FGD4: variants seen among roughly 807,000 people sequenced by gnomAD.
FGD4 encodes the protein FYVE, RhoGEF and PH domain-containing protein 4.
FGD4 carries 42 observed loss-of-function variants against 102.0 expected under a neutral mutation model. That is an observed-to-expected ratio of 0.41 (90% confidence interval 0.32 to 0.53). The LOEUF (loss-of-function observed/expected upper bound fraction) is 0.53, where lower values mean the gene tolerates loss of function less well. FGD4 is among the 20% of genes least tolerant of loss of function. The probability of loss-of-function intolerance (pLI) is 0.21; values close to 1 mark genes in which losing one functional copy is unlikely to be tolerated. For missense variants in FGD4, 902 were observed against 1,078.2 expected, an observed-to-expected ratio of 0.84 and a Z score of 2.29; for synonymous variants, 380 against 375.7, an observed-to-expected ratio of 1.01 and a Z score of -0.13.
At chr12:32,636,893 CAG>C (rs1298791704) in intron 15 of FGD4, among the ~76,000 whole-genome samples, 1 of 140,748 alleles carries the variant, frequency 7.1e-6, no homozygotes, top group Non-Finnish European at 1.5e-5. Context: ...TTTTTTTAGA[CAG>C]AGTCTTGCTC....
At chr12:32,635,511 C>T (rs1006949681) in intron 15 of FGD4, among the ~76,000 whole-genome samples, 1 of 152,058 alleles carries the variant, frequency 6.6e-6, no homozygotes, top group Admixed American at 6.6e-5. Flanking sequence ...AATGCATATT[C>T]GAGACTGATT....
At chr12:32,404,110 G>A (rs1323918853) in intron 1 of FGD4, among the ~76,000 whole-genome samples, 3 of 149,392 alleles carry the variant, frequency 2.0e-5, no homozygotes, top group Non-Finnish European at 4.4e-5. Context: ...CTTGCCTTTG[G>A]GCACCTCCTT....
In FGD4 at chr12:32,640,529, G is replaced by C; in HGVS notation, c.2708G>C (p.Cys903Ser). ...CCTGAACCTAAGAAAAAATCAGAAT[G>C]CTGAACTCCTCCAGGACCAGCCATG... The part of the protein sequence containing the change: ...DHPEPKKKSE[C>S] The change falls in exon 17 of 17, where the codon TGC (cysteine) becomes TCC (serine). Residue 903 changes from cysteine to serine, a missense_variant. Physicochemically the swap from Cys to Ser is moderately radical, Grantham distance 112 (BLOSUM62 -1). Coordinates refer to ENST00000534526, the MANE Select transcript of FGD4 (RefSeq NM_001370298.3). 6.2e-7 allele frequency: 1 copy of C among 1,613,748 alleles called. No homozygotes were observed. The highest frequency in any genetic ancestry group is 8.5e-7 in the Non-Finnish European group (1 of 1,180,028).
chr12:32,478,849 G>A (rs1206009121), intron 1 of FGD4, among the ~76,000 whole-genome samples: 2 of 152,032 alleles, frequency 1.3e-5, no homozygotes, highest in Non-Finnish European at 1.5e-5. Flanking sequence ...TATGATCCGT[G>A]GCATATGAAT....
chr12:32,436,132 G>C (rs1942220545), intron 1 of FGD4, among the ~76,000 whole-genome samples: 1 of 152,210 alleles, frequency 6.6e-6, no homozygotes, highest in South Asian at 2.1e-4. Flanking sequence ...GTGATGTACA[G>C]TGTAGCCCTC....
chr12:32,544,605 C>T lies in FGD4; in HGVS notation c.167-19532C>T, dbSNP rs971461611. ...AAAATGAGCCGGGCGTGGTGGCTCA[C>T]ACCTGTGGTTCCAGCTACTCAGGAG... On this transcript the variant is annotated intron_variant, in intron 1 of 16. Transcript: ENST00000534526. The surrounding 1 kb of genome is among the most constrained non-coding windows in gnomAD (Gnocchi z 4.1). Among the ~76,000 whole-genome samples, 2 of 151,860 alleles carry T rather than the reference C, an allele frequency of 1.3e-5. No homozygotes were observed. Among genetic ancestry groups the T allele is most frequent in the South Asian group, 4.1e-4 (2 of 4,830 alleles).
At chr12:32,491,604 A>G (rs780146645) in intron 1 of FGD4, among the ~76,000 whole-genome samples, 10 of 152,172 alleles carry the variant, frequency 6.6e-5, no homozygotes, top group Admixed American at 2.0e-4. Context: ...GATATGGGAA[A>G]GGTTTCATTT....
chr12:32,625,151 A>G (rs765064011), intron 13 of FGD4, 83 bp downstream of exon 13: 30 of 1,211,598 alleles, frequency 2.5e-5, no homozygotes, highest in African/African-American at 3.0e-5. Context: ...TTGTTCTCCA[A>G]CCTTTTCCCT....
chr12:32,624,517 A>G, intron 12 of FGD4, 65 bp downstream of exon 12: 1 of 1,327,986 alleles, frequency 7.5e-7, no homozygotes, highest in Non-Finnish European at 1.1e-6. Flanking sequence ...ACTCTCACCC[A>G]GTCTGGAGTG....
intron 14 of FGD4, among the ~76,000 whole-genome samples, chr12:32,627,767 C>T (rs754644661): frequency 1.3e-5 from 2 of 152,010 alleles, no homozygotes; most frequent in African/African-American, 2.4e-5. Context: ...GAGAAAAACA[C>T]TGGAAGAGAA....
chr12:32,457,932 ATAAT>A (rs1184535336), intron 1 of FGD4, among the ~76,000 whole-genome samples: 21 of 152,162 alleles, frequency 1.4e-4, no homozygotes, highest in Non-Finnish European at 1.9e-4. Context: ...TAAATAATTA[ATAAT>A]TAATGACAGG....
intron 5 of FGD4, among the ~76,000 whole-genome samples, chr12:32,599,534 C>T (rs797008363): frequency 4.7e-3 from 166 of 35,292 alleles, no homozygotes; most frequent in East Asian, 7.4e-3. Context: ...ACTAAGGCAT[C>T]TTTTTTTTTT....
At chr12:32,429,476 G>T (rs959305345) in intron 1 of FGD4, among the ~76,000 whole-genome samples, 2 of 152,228 alleles carry the variant, frequency 1.3e-5, no homozygotes, top group African/African-American at 4.8e-5. Flanking sequence ...CCTGCTGGGA[G>T]GTATCTCCCA....
chr12:32,549,328 T>A (rs566412939), intron 1 of FGD4, among the ~76,000 whole-genome samples: 1 of 152,334 alleles, frequency 6.6e-6, no homozygotes, highest in Admixed American at 6.5e-5. Flanking sequence ...GCCTGTGGCA[T>A]GTGCTCTGAA....
chr12:32,640,109 C>T (rs1007452308), intron 16 of FGD4, among the ~76,000 whole-genome samples, 167 bp from the exon 17 acceptor site: 2 of 152,142 alleles, frequency 1.3e-5, no homozygotes, highest in African/African-American at 2.4e-5. Flanking sequence ...AGTGGCCTCA[C>T]GTACAGGCTC....
At chr12:32,491,132 T>TAAAAAAAAAAA (rs72008264) in intron 1 of FGD4, among the ~76,000 whole-genome samples, 2 of 106,570 alleles carry the variant, frequency 1.9e-5, no homozygotes, top group African/African-American at 3.6e-5. Flanking sequence ...TTCTGCCAGT[T>TAAAAAAAAAAA]AAAAAAAAAA....
At chr12:32,584,676 C>T (rs1386610906) in intron 4 of FGD4, among the ~76,000 whole-genome samples, 1 of 151,688 alleles carries the variant, frequency 6.6e-6, no homozygotes, top group African/African-American at 2.4e-5. Flanking sequence ...TAGGTATATT[C>T]CCTTGTTAGC....
intron 1 of FGD4, among the ~76,000 whole-genome samples, chr12:32,561,459 TAGAA>T (rs1242248516): frequency 6.6e-6 from 1 of 152,210 alleles, no homozygotes; most frequent in Non-Finnish European, 1.5e-5. Context: ...TTTTACTCAA[TAGAA>T]AGTTGATTGG....
intron 10 of FGD4, among the ~76,000 whole-genome samples, chr12:32,618,601 G>A (rs1445665311): frequency 6.6e-6 from 1 of 152,174 alleles, no homozygotes; most frequent in Non-Finnish European, 1.5e-5. Context: ...GGAGGCTGAG[G>A]TGAGAGTATT....
Sources: allele counts gnomAD v4.1 joint callset (sites outside exome capture counted in the v4.1 genomes callset), GRCh38; gene constraint gnomAD v4.1.1; non-coding constraint Gnocchi (gnomAD v3.1); transcripts MANE v1.5; gene names NCBI Gene and HGNC (gene_info 2026-07-23, HGNC 2026-07-21).